Variants in SLAMF6 observed in about 807,000 individuals in gnomAD.
SLAMF6 encodes the protein NK-T-B-antigen.
In SLAMF6, 21 loss-of-function variants were observed where a neutral mutation model predicts 38.3. That is an observed-to-expected ratio of 0.55 (90% CI 0.39 to 0.79). The LOEUF (loss-of-function observed/expected upper bound fraction) is 0.79. Among genes scored for constraint, SLAMF6 ranks in the 30% least tolerant of loss-of-function variants. The pLI is 0.00. For missense variants in SLAMF6, 341 were observed against 385.3 expected (o/e 0.89, Z 0.96); for synonymous variants, 152 against 146.3 (o/e 1.04, Z -0.28).
intron 1 of SLAMF6, among the ~76,000 whole-genome samples, chr1:160,503,057 A>G (rs1393754466): frequency 6.6e-6 from 1 of 152,212 alleles, no homozygotes; most frequent in Admixed American, 6.5e-5. Context: ...GCTTAGGAGC[A>G]TAAGTGAAGA....
At chr1:160,486,887 T>A in intron 7 of SLAMF6, 133 bp from the exon 8 acceptor site, 1 of 1,078,792 alleles carries the variant, frequency 9.3e-7, no homozygotes, top group Non-Finnish European at 1.4e-6. Context: ...AGGGCAGGAT[T>A]AAATTTAAAA....
chr1:160,520,568 A>G (rs182314655), intron 1 of SLAMF6, among the ~76,000 whole-genome samples: 1 of 152,334 alleles, frequency 6.6e-6, no homozygotes, highest in East Asian at 1.9e-4. Context: ...ATAAAAATCA[A>G]AATGAAGAAA....
intron 1 of SLAMF6, among the ~76,000 whole-genome samples, chr1:160,516,133 G>A (rs1654731691): frequency 1.3e-5 from 2 of 152,106 alleles, no homozygotes; most frequent in African/African-American, 2.4e-5. Context: ...AGCTTCTTAA[G>A]CTCACATGCA....
intron 1 of SLAMF6, among the ~76,000 whole-genome samples, chr1:160,496,908 A>T (rs12016652): frequency 0.036 from 5,493 of 152,216 alleles, 116 homozygotes; most frequent in Middle Eastern, 0.072. Flanking sequence ...CTTATATATT[A>T]TTTCATTGAC....
At chr1:160,490,976 A>C in intron 3 of SLAMF6, 149 bp downstream of exon 3, 1 of 1,025,896 alleles carries the variant, frequency 9.7e-7, no homozygotes, top group South Asian at 1.6e-5. Flanking sequence ...GGGAGTACTG[A>C]GAGATGCAGA....
chr1:160,511,612 T>C (rs1026885381), intron 1 of SLAMF6, among the ~76,000 whole-genome samples: 3 of 152,152 alleles, frequency 2.0e-5, no homozygotes, highest in African/African-American at 7.2e-5. Context: ...CTAAAACTCT[T>C]AGAAGAAAAC....
Position 160,490,774 on chromosome 1 carries a change from C to A in SLAMF6, c.647-89G>T, listed in dbSNP as rs148118819. On this transcript the variant is annotated intron_variant, in intron 3 of 7. Transcript: ENST00000368057. Reference sequence around the variant, plus strand: ...CTCCGTGGAGCCTCTTCTAGGCCATCTTTGGGGACTAGGTAAGTTTGTCTA... The same window carrying A: ...CTCCGTGGAGCCTCTTCTAGGCCATATTTGGGGACTAGGTAAGTTTGTCTA... The A allele has an allele frequency of 1.4e-4, 209 of 1,520,840 alleles. No individual in the cohort carries two copies. The East Asian group carries it at 3.5e-3, about 25-fold the overall frequency. 94.2% of individuals were successfully genotyped at this position (1,520,840 alleles called of 1,614,324 possible). A position where few individuals can be genotyped will look rare whatever the true frequency, so the allele number is the denominator to read the frequency against.
chr1:160,516,803 C>T (rs1337694219), intron 1 of SLAMF6, among the ~76,000 whole-genome samples: 1 of 152,112 alleles, frequency 6.6e-6, no homozygotes, highest in Non-Finnish European at 1.5e-5. Context: ...AACTGGCTAT[C>T]CATATGCAGA....
intron 2 of SLAMF6, 31 bp downstream of exon 2, chr1:160,496,030 A>G (rs1653557091): frequency 6.3e-7 from 1 of 1,578,454 alleles, no homozygotes; most frequent in Non-Finnish European, 8.7e-7. Context: ...TTTTCAGTCC[A>G]TATGGAATTA....
chr1:160,519,310 AAAAC>A (rs1216756150), intron 1 of SLAMF6, among the ~76,000 whole-genome samples: 1 of 152,194 alleles, frequency 6.6e-6, no homozygotes, highest in Non-Finnish European at 1.5e-5. Context: ...AAAAAGGAAA[AAAAC>A]AAGTGTTGAT....
intron 1 of SLAMF6, among the ~76,000 whole-genome samples, chr1:160,512,661 A>G (rs1654539419): frequency 6.6e-6 from 1 of 152,184 alleles, no homozygotes; most frequent in African/African-American, 2.4e-5. Flanking sequence ...AGAAGCAGGC[A>G]GCCATCTTTG....
intron 1 of SLAMF6, among the ~76,000 whole-genome samples, chr1:160,501,598 A>T (rs1653896910): frequency 6.6e-6 from 1 of 152,158 alleles, no homozygotes; most frequent in Admixed American, 6.6e-5. Context: ...GGGAGTTGTC[A>T]GGGAACAGTT....
At chr1:160,489,305 C>T (rs1039917402) in intron 5 of SLAMF6, 135 bp from the exon 6 acceptor site, 8 of 777,742 alleles carry the variant, frequency 1.0e-5, no homozygotes, top group Non-Finnish European at 1.7e-5. Flanking sequence ...AGGGATCATT[C>T]GTTCTTGACA....
intron 1 of SLAMF6, among the ~76,000 whole-genome samples, chr1:160,503,386 C>T (rs560174647): frequency 2.0e-5 from 3 of 151,768 alleles, no homozygotes; most frequent in South Asian, 2.1e-4. Context: ...TTGGCTGGTG[C>T]GAAAGTGATT....
chr1:160,511,685 A>G (rs1557947409), intron 1 of SLAMF6, among the ~76,000 whole-genome samples: 1 of 152,250 alleles, frequency 6.6e-6, no homozygotes, highest in Non-Finnish European at 1.5e-5. Flanking sequence ...CACCAAAAGC[A>G]TAAGTAAGAA....
chr1:160,519,776 T>C (rs1362029465), intron 1 of SLAMF6, among the ~76,000 whole-genome samples: 1 of 148,896 alleles, frequency 6.7e-6, no homozygotes, highest in Non-Finnish European at 1.5e-5. Context: ...AGATCGGTAT[T>C]TGCCAGGGGC....
intron 2 of SLAMF6, among the ~76,000 whole-genome samples, chr1:160,493,648 G>C (rs1451783499): frequency 6.6e-6 from 1 of 152,050 alleles, no homozygotes; most frequent in Non-Finnish European, 1.5e-5. Flanking sequence ...ACCTATCATG[G>C]CTTCAAGATT....
In SLAMF6 at chr1:160,496,108, G is replaced by T. The variant is rs1279175322; in HGVS notation, c.335C>A (p.Ser112Tyr). The stretch of plus-strand genomic sequence containing the variant: ...GGACAGCTTTGCAGAGGTCTTTGTG[G>T]ATATCTGGGCTCTGTAAGAGCCTGT... ...EDTGSYRAQI[S>Y]TKTSAKLSSY... Residue 112 changes from serine (S) to tyrosine (Y), a missense_variant, in exon 2 of 8, where the codon TCC becomes TAC. By Grantham distance (144) the Ser-to-Tyr change is moderately radical. Coordinates refer to ENST00000368057, the MANE Select transcript of SLAMF6 (RefSeq NM_001184714.2). 6.2e-7 allele frequency: 1 copy of T among 1,613,816 alleles called. No homozygotes were observed. The highest frequency in any genetic ancestry group is 8.5e-7 in the Non-Finnish European group (1 of 1,179,910).
rs1051010701 is a variant in SLAMF6 at position 160,485,459 on chromosome 1, C to G, written c.*1248G>C. ...AGGACCCCAGCAGGCAGAGGAAGGGCCTGCAGGAAGATGTAAATAATTAAC... is the reference window on the plus strand; with the variant it reads ...AGGACCCCAGCAGGCAGAGGAAGGGGCTGCAGGAAGATGTAAATAATTAAC... On this transcript the variant is annotated 3_prime_UTR_variant, in exon 8 of 8. Transcript: ENST00000368057. 2 of 152,106 alleles carry G rather than the reference C, an allele frequency of 1.3e-5. No homozygotes were observed. Among genetic ancestry groups the G allele is most frequent in the Non-Finnish European group, 1.5e-5 (1 of 68,034 alleles). 9.4% of individuals were successfully genotyped at this position (152,106 alleles called of 1,614,324 possible).
Sources: allele counts gnomAD v4.1 joint callset (sites outside exome capture counted in the v4.1 genomes callset), GRCh38; gene constraint gnomAD v4.1.1; transcripts MANE v1.5; gene names NCBI Gene and HGNC (gene_info 2026-07-23, HGNC 2026-07-21).